STK11IP: variants seen among roughly 807,000 people sequenced by gnomAD.
STK11IP encodes serine/threonine kinase 11 interacting protein.
Under a neutral mutation model 131.7 loss-of-function variants are expected in STK11IP, and 103 were observed. The ratio of observed to expected loss-of-function variants is 0.78; its 90% confidence interval spans 0.67 to 0.92. The LOEUF (loss-of-function observed/expected upper bound fraction) is 0.92. Ranked by LOEUF, STK11IP falls within the 40% of genes least tolerant of loss-of-function variation. The pLI, the probability that STK11IP is intolerant of heterozygous loss-of-function variation, is 0.00. For synonymous variants in STK11IP, 557 were observed against 575.6 expected (o/e 0.97, Z 0.46); for missense variants, 1,315 against 1,385.7 (o/e 0.95, Z 0.81).
At chr2:219,615,961 T>C in intron 24 of STK11IP, 83 bp from the exon 25 acceptor site, 1 of 1,550,966 alleles carries the variant, frequency 6.4e-7, no homozygotes, top group Non-Finnish European at 8.7e-7. Context: ...GTGGAGACAG[T>C]GAGGCCTTCG....
rs673951 is a variant in STK11IP, at chr2:219,608,633, G to T, written c.1654G>T (p.Val552Leu). The T allele has an allele frequency of 1.2e-6, 2 of 1,612,390 alleles. No homozygotes were observed. Among genetic ancestry groups the T allele is most frequent in the East Asian group, 2.2e-5 (1 of 44,782 alleles). ...LVCPLEGPEG[V>L]RGRECFLRVT... ...GTGTCCCCTGGAGGGGCCTGAGGGC[G>T]TACGGGGCAGGGAATGCTTTCTCAG... Residue 552 changes from valine (V) to leucine (L), a missense_variant, in exon 15 of 25, where the codon GTA becomes TTA. Val to Leu is a conservative substitution (Grantham distance 32). Transcript: ENST00000456909.
Position 219,600,387 on chromosome 2 carries a change from C to T in STK11IP, c.62-848C>T, listed in dbSNP as rs369973870. ...GTGCTGGGATTACAGGCCTGAGCCACGGCAACCAGCTCAGTGTCCTGACTT... is the reference window on the plus strand; with the variant it reads ...GTGCTGGGATTACAGGCCTGAGCCATGGCAACCAGCTCAGTGTCCTGACTT... On this transcript the variant is annotated intron_variant, in intron 2 of 24. Coordinates refer to ENST00000456909, the MANE Select transcript of STK11IP (RefSeq NM_052902.4). Among the ~76,000 whole-genome samples, 18 of 152,298 alleles carry T rather than the reference C, an allele frequency of 1.2e-4. 4 individuals are homozygous for T. Among genetic ancestry groups the T allele is most frequent in the African/African-American group, 4.3e-4 (18 of 41,550 alleles).
chr2:219,600,069 T>G (rs867890688), intron 2 of STK11IP, among the ~76,000 whole-genome samples: 2 of 141,528 alleles, frequency 1.4e-5, no homozygotes, highest in Non-Finnish European at 3.1e-5. Flanking sequence ...GTTTTTTTTT[T>G]TTTTTTTTTT....
At chr2:219,611,912 A>G (rs1559186230) in intron 18 of STK11IP, 43 bp from the exon 19 acceptor site, 2 of 1,571,096 alleles carry the variant, frequency 1.3e-6, no homozygotes, top group Non-Finnish European at 8.6e-7. Flanking sequence ...GATGGAGCCC[A>G]GGGGCTGCCA....
rs1559188516 is a variant in STK11IP, at chr2:219,614,223, AC to A, written c.2785del (p.Gln929SerfsTer39). On this transcript the variant is annotated frameshift_variant, in exon 22 of 25. Coordinates refer to ENST00000456909, the MANE Select transcript of STK11IP (RefSeq NM_052902.4). LOFTEE classifies it high-confidence loss of function. Reference protein sequence around the residue: ...NCVSATEEEVTPQHRLWPLLE... With the variant: ...NCVSATEEEVXPQHRLWPLLE... ...TGTCAGTGCCACAGAGGAGGAGGTC[AC>A]CCCCCAGCACCGGCTCTGGTGAGTC... 2.5e-6 allele frequency: 4 copies of A among 1,613,060 alleles called. No homozygotes were observed. Among genetic ancestry groups the A allele is most frequent in the African/African-American group, 2.7e-5 (2 of 74,800 alleles).
In STK11IP at chr2:219,609,089, C is replaced by G. The variant is rs769956825; in HGVS notation, c.1810-8C>G. ...TGTTTTTCACCCGGTCCCCCTCTTG[C>G]TGCGCAGGGCTCAGATCTGCTCCCT... On this transcript the variant is annotated splice_region_variant and splice_polypyrimidine_tract_variant and intron_variant, in intron 15 of 24. Coordinates refer to ENST00000456909, the MANE Select transcript of STK11IP (RefSeq NM_052902.4). 1 of 1,577,228 alleles carries G rather than the reference C, an allele frequency of 6.3e-7. No homozygotes were observed. Among genetic ancestry groups the G allele is most frequent in the African/African-American group, 1.4e-5 (1 of 74,072 alleles).
At chr2:219,602,803 C>A (rs1263185868) in intron 7 of STK11IP, 27 bp downstream of exon 7, 1 of 1,595,868 alleles carries the variant, frequency 6.3e-7, no homozygotes, top group Admixed American at 1.7e-5. Flanking sequence ...TGGCAGCTGG[C>A]ACACCATGGG....
intron 5 of STK11IP, 72 bp downstream of exon 5, chr2:219,602,155 C>T (rs1259601191): frequency 4.3e-6 from 5 of 1,154,006 alleles, no homozygotes; most frequent in East Asian, 5.1e-5. Flanking sequence ...TGATGTTCTC[C>T]CCTCTCTGCA....
chr2:219,606,419 G>A, intron 10 of STK11IP, 57 bp from the exon 11 acceptor site: 1 of 1,582,028 alleles, frequency 6.3e-7, no homozygotes, highest in Non-Finnish European at 8.6e-7. Flanking sequence ...CTTAATACCT[G>A]GAGCTCAGCA....
intron 19 of STK11IP, among the ~76,000 whole-genome samples, chr2:219,612,671 G>A (rs1698434256): frequency 6.6e-6 from 1 of 152,204 alleles, no homozygotes; most frequent in South Asian, 2.1e-4. Context: ...CTGGTGGGGA[G>A]AACTGCCCAG....
chr2:219,602,843 C>T (rs1387829252), intron 7 of STK11IP, 67 bp downstream of exon 7: 1 of 1,477,104 alleles, frequency 6.8e-7, no homozygotes, highest in Non-Finnish European at 9.3e-7. Flanking sequence ...CACTCTCTCT[C>T]CTTGACCAGC....
chr2:219,611,626 C>T lies in STK11IP; in HGVS notation c.2127C>T (p.Asn709=), dbSNP rs1559185800. The change falls in exon 18 of 25, where the codon AAC becomes AAT. Residue 709 remains asparagine, a synonymous_variant. Coordinates refer to ENST00000456909, the MANE Select transcript of STK11IP (RefSeq NM_052902.4). ...CAGAATCTCCTGCTGTGTGTCCTAA[C>T]TGTGGTAGTGACCACGTGGTTCTCC... ...QKTESPAVCP[N]CGSDHVVLLA... is the part of the protein sequence containing the mutation. 1 of 1,613,186 alleles carries T rather than the reference C, an allele frequency of 6.2e-7. No homozygotes were observed. Among genetic ancestry groups the T allele is most frequent in the South Asian group, 1.1e-5 (1 of 91,070 alleles).
At chr2:219,613,465 T>G (rs1487380087) in intron 20 of STK11IP, among the ~76,000 whole-genome samples, 8 of 1,440 alleles carry the variant, frequency 5.6e-3, no homozygotes, top group African/African-American at 0.014. Flanking sequence ...GGGGGGGAGG[T>G]GGGGTGAGTG....
chr2:219,609,622 G>A, intron 17 of STK11IP, 82 bp downstream of exon 17: 1 of 1,511,218 alleles, frequency 6.6e-7, no homozygotes, highest in East Asian at 2.5e-5. Context: ...GAGTGTGAAG[G>A]GGGAGCCCTA....
chr2:219,605,412 C>T (rs1698118063), intron 7 of STK11IP, 196 bp from the exon 8 acceptor site: 1 of 561,550 alleles, frequency 1.8e-6, no homozygotes, highest in Non-Finnish European at 3.2e-6. Context: ...CAGGGTGTGG[C>T]CTTGAACTGT....
intron 16 of STK11IP, 59 bp from the exon 17 acceptor site, chr2:219,609,304 G>T: frequency 3.1e-6 from 5 of 1,592,786 alleles, no homozygotes; most frequent in Non-Finnish European, 4.3e-6. Context: ...GGGGGCCTGT[G>T]GGAGGTGTCC....
At chr2:219,609,740 T>G in intron 17 of STK11IP, 200 bp downstream of exon 17, 2 of 475,510 alleles carry the variant, frequency 4.2e-6, no homozygotes, top group East Asian at 3.5e-5. Flanking sequence ...AGAAACTATA[T>G]CCTGTTTTTT....
In STK11IP at chr2:219,614,141, C is replaced by G. The variant is rs1350764927; in HGVS notation, c.2717-20C>G. On this transcript the variant is annotated intron_variant, in intron 21 of 24. Coordinates refer to ENST00000456909, the MANE Select transcript of STK11IP (RefSeq NM_052902.4). ...AGGAGAGCAGAGCCTTCTAAAGTTC[C>G]CTGGCCTGCCTCTGTCTAGATGTCT... The G allele has an allele frequency of 1.2e-6, 2 of 1,613,136 alleles. No homozygotes were observed. The highest frequency in any genetic ancestry group is 1.7e-6 in the Non-Finnish European group (2 of 1,179,582).
rs1318961964 is a variant in STK11IP at position 219,614,463 on chromosome 2, A to T, written c.2799-13A>T. The T allele has an allele frequency of 1.3e-5, 21 of 1,613,376 alleles. No individual in the cohort carries two copies. The highest frequency in any genetic ancestry group is 1.8e-5 in the Non-Finnish European group (21 of 1,179,686). On this transcript the variant is annotated splice_polypyrimidine_tract_variant and intron_variant, in intron 22 of 24. Transcript: ENST00000456909. ...GCTAGCTGATCTTCCTGTGCCTGCC[A>T]TATTCCCTCTAGGCCATTGCTGGAA...
Sources: gnomAD v4.1 joint callset for allele counts (sites outside exome capture counted in the v4.1 genomes callset) on GRCh38, gnomAD v4.1.1 for gene constraint, MANE v1.5 for transcripts, NCBI Gene and HGNC (gene_info 2026-07-23, HGNC 2026-07-21) for gene names.